The following PLEKHM3 variants were observed in gnomAD, a reference collection of about 807,000 sequenced individuals.
The protein encoded by PLEKHM3 is pleckstrin homology domain containing M3.
PLEKHM3 carries 45 observed loss-of-function variants against 81.8 expected under a neutral mutation model. That is an observed-to-expected ratio of 0.55 (90% confidence interval 0.43 to 0.71). PLEKHM3 has a LOEUF of 0.71. Among genes scored for constraint, PLEKHM3 ranks in the 30% least tolerant of loss-of-function variants. The pLI is 0.00. For missense variants in PLEKHM3, 788 were observed against 924.3 expected (o/e 0.85, Z 1.91); for synonymous variants, 352 against 356.4 (o/e 0.99, Z 0.14).
chr2:207,996,485 T>A (rs540416756), intron 2 of PLEKHM3, among the ~76,000 whole-genome samples: 5 of 152,326 alleles, frequency 3.3e-5, no homozygotes, highest in African/African-American at 1.2e-4. Flanking sequence ...TTTGAGCACA[T>A]ATTTTTGAGC....
At chr2:207,956,796 C>A (rs1690530149) in intron 3 of PLEKHM3, among the ~76,000 whole-genome samples, 1 of 135,744 alleles carries the variant, frequency 7.4e-6, no homozygotes, top group Admixed American at 8.2e-5. Context: ...TGTTGAACTC[C>A]TTTCCTTAAG....
intron 5 of PLEKHM3, among the ~76,000 whole-genome samples, chr2:207,922,834 C>CCAAG (rs1203978175): frequency 2.0e-5 from 3 of 151,912 alleles, no homozygotes; most frequent in Non-Finnish European, 4.4e-5. Flanking sequence ...AGAAGACCAT[C>CCAAG]CAAGCCCTTA....
At chr2:207,960,248 C>T (rs1690682045) in intron 3 of PLEKHM3, among the ~76,000 whole-genome samples, 1 of 152,156 alleles carries the variant, frequency 6.6e-6, no homozygotes, top group Admixed American at 6.5e-5. Flanking sequence ...CTCAGCTTGG[C>T]CTTCAGGAAG....
At chr2:207,844,303 C>CT (rs377510756) in intron 7 of PLEKHM3, among the ~76,000 whole-genome samples, 114 of 125,044 alleles carry the variant, frequency 9.1e-4, no homozygotes, top group Admixed American at 3.1e-3. Flanking sequence ...ATTTATTTTT[C>CT]TTTTTTTTTT....
intron 3 of PLEKHM3, among the ~76,000 whole-genome samples, chr2:207,963,695 A>G (rs981119742): frequency 3.9e-5 from 6 of 152,244 alleles, no homozygotes; most frequent in African/African-American, 1.4e-4. Context: ...ATGTAGGTAA[A>G]GAATTCGGGC....
At chr2:207,973,224 G>A (rs1691185939) in intron 3 of PLEKHM3, among the ~76,000 whole-genome samples, 1 of 152,196 alleles carries the variant, frequency 6.6e-6, no homozygotes, top group Non-Finnish European at 1.5e-5. Flanking sequence ...GAAGACATAG[G>A]TACAAAAGGA....
intron 6 of PLEKHM3, among the ~76,000 whole-genome samples, chr2:207,873,799 T>C (rs1281039724): frequency 6.6e-6 from 1 of 152,212 alleles, no homozygotes; most frequent in Non-Finnish European, 1.5e-5. Context: ...AAGTACAATA[T>C]AAGGGCTCAA....
At chr2:207,907,827 G>C (rs1423925222) in intron 6 of PLEKHM3, among the ~76,000 whole-genome samples, 1 of 152,148 alleles carries the variant, frequency 6.6e-6, no homozygotes, top group African/African-American at 2.4e-5. Flanking sequence ...CTTTATCCAT[G>C]AGCAGGCACT....
chr2:207,860,149 C>CTGTGTG (rs1491556619), intron 7 of PLEKHM3, among the ~76,000 whole-genome samples: 33 of 63,830 alleles, frequency 5.2e-4, no homozygotes, highest in South Asian at 2.6e-3. Context: ...TGAACTCTGC[C>CTGTGTG]TCTGTGTGTG....
At chr2:207,974,934 C>T (rs1457273617) in intron 3 of PLEKHM3, among the ~76,000 whole-genome samples, 2 of 151,700 alleles carry the variant, frequency 1.3e-5, no homozygotes, top group South Asian at 2.1e-4. Flanking sequence ...CAGGTTCAAG[C>T]GATTCTCCTG....
intron 6 of PLEKHM3, among the ~76,000 whole-genome samples, chr2:207,895,276 A>G (rs1688185676): frequency 1.3e-5 from 2 of 152,180 alleles, no homozygotes; most frequent in African/African-American, 4.8e-5. Flanking sequence ...CACCATACCA[A>G]GTCAGGGATG....
intron 2 of PLEKHM3, among the ~76,000 whole-genome samples, chr2:207,987,603 T>A (rs1691772027): frequency 6.6e-6 from 1 of 152,212 alleles, no homozygotes. Flanking sequence ...GCATTTGCCC[T>A]CTGGTTTTAG....
At chr2:207,903,079 C>T (rs1003726643) in intron 6 of PLEKHM3, among the ~76,000 whole-genome samples, 6 of 152,264 alleles carry the variant, frequency 3.9e-5, no homozygotes, top group African/African-American at 1.2e-4. Context: ...GTAAGTACTC[C>T]AAATTCCAGA....
At chr2:207,924,939 T>C (rs892931701) in intron 5 of PLEKHM3, among the ~76,000 whole-genome samples, 38 of 150,670 alleles carry the variant, frequency 2.5e-4, no homozygotes, top group African/African-American at 8.3e-4. Context: ...GAGAAGGAGG[T>C]CTAGGAGAAA....
chr2:207,840,321 G>A (rs952723508), intron 7 of PLEKHM3, among the ~76,000 whole-genome samples: 1 of 152,052 alleles, frequency 6.6e-6, no homozygotes, highest in African/African-American at 2.4e-5. Flanking sequence ...AGTATTAACA[G>A]CTAGGACTAC....
At chr2:207,887,173 A>G (rs1449593410) in intron 6 of PLEKHM3, among the ~76,000 whole-genome samples, 1 of 152,268 alleles carries the variant, frequency 6.6e-6, no homozygotes, top group Non-Finnish European at 1.5e-5. Flanking sequence ...GGCATACAGT[A>G]ATATAGCAAC....
intron 1 of PLEKHM3, among the ~76,000 whole-genome samples, chr2:208,016,102 G>C (rs1302098532): frequency 6.6e-6 from 1 of 152,144 alleles, no homozygotes; most frequent in African/African-American, 2.4e-5. Context: ...GCTGAGGCAG[G>C]AGAATCTCTT....
rs373989396 is a variant in PLEKHM3 at position 207,979,443 on chromosome 2, A to G, written c.611-1857T>C. On this transcript the variant is annotated intron_variant, in intron 2 of 7. Transcript: ENST00000427836. The stretch of plus-strand genomic sequence containing the variant: ...CAGCTACTTGGGAGGCTGAGGCAGG[A>G]GAATCACTTGAACCCAGGAGGCGGA... Among the ~76,000 whole-genome samples the G allele has an allele frequency of 2.2e-4, 34 of 152,126 alleles. 1 individual carries two copies. Among genetic ancestry groups the G allele is most frequent in the African/African-American group, 8.2e-4 (34 of 41,522 alleles).
intron 5 of PLEKHM3, among the ~76,000 whole-genome samples, chr2:207,927,515 C>CAAA (rs527604593): frequency 2.9e-4 from 20 of 69,962 alleles, no homozygotes; most frequent in Admixed American, 1.6e-3. Flanking sequence ...GACTCTGTCT[C>CAAA]AAAAAAAAAA....
Sources: allele counts gnomAD v4.1 joint callset (sites outside exome capture counted in the v4.1 genomes callset), GRCh38; gene constraint gnomAD v4.1.1; transcripts MANE v1.5; gene names NCBI Gene and HGNC (gene_info 2026-07-23, HGNC 2026-07-21).